The following ANKHD1 variants were observed in gnomAD, a reference collection of about 807,000 sequenced individuals.
ANKHD1 encodes the protein ankyrin repeat and KH domain-containing protein 1.
Under a neutral mutation model 230.5 loss-of-function variants are expected in ANKHD1, and 31 were observed. The observed-to-expected ratio is 0.13, with a 90% confidence interval of 0.10 to 0.18. The LOEUF (loss-of-function observed/expected upper bound fraction) is 0.18, where lower values mean the gene tolerates loss of function less well. Among genes scored for constraint, ANKHD1 ranks in the 10% least tolerant of loss-of-function variants. The pLI is 1.00. For synonymous variants in ANKHD1, 1,074 were observed against 1,117.6 expected, an observed-to-expected ratio of 0.96 and a Z score of 0.78; for missense variants, 2,256 against 3,071.3, an observed-to-expected ratio of 0.73 and a Z score of 6.27.
At position 140,529,081 on chromosome 5, in the gene ANKHD1, T is replaced by C; in HGVS notation, c.6135T>C (p.Ser2045=). ...DQPMANLCTP[S]STANSCSSSA... is the part of the protein sequence containing the mutation. ...CCATGGCAAACCTATGTACCCCATC[T>C]TCAACTGCAAACAGTTGCAGTAGCT... The change falls in exon 29 of 34, where the codon TCT becomes TCC. Residue 2045 remains serine (S), a synonymous_variant. Coordinates refer to ENST00000360839, the MANE Select transcript of ANKHD1 (RefSeq NM_017747.3). The C allele has an allele frequency of 6.2e-7, 1 of 1,614,036 alleles. No individual in the cohort carries two copies. The highest frequency in any genetic ancestry group is 8.5e-7 in the Non-Finnish European group (1 of 1,180,038).
intron 11 of ANKHD1, 200 bp from the exon 12 acceptor site, chr5:140,484,921 A>T: frequency 1.2e-6 from 1 of 813,086 alleles, no homozygotes; most frequent in Non-Finnish European, 1.7e-6. Flanking sequence ...TGGTATGTGG[A>T]TAATGTTCTG....
intron 6 of ANKHD1, among the ~76,000 whole-genome samples, chr5:140,447,084 T>C (rs921760290): frequency 6.6e-6 from 1 of 152,110 alleles, no homozygotes; most frequent in Non-Finnish European, 1.5e-5. Flanking sequence ...AATTTTTGTA[T>C]TTTTAGTAGA....
At chr5:140,535,574 T>C (rs751770969) in intron 30 of ANKHD1, 36 bp downstream of exon 30, 7 of 1,545,056 alleles carry the variant, frequency 4.5e-6, no homozygotes, top group Non-Finnish European at 6.1e-6. Flanking sequence ...CAAAGAGTTT[T>C]GAATAAGTTA....
intron 14 of ANKHD1, among the ~76,000 whole-genome samples, chr5:140,488,246 T>A (rs1015366292): frequency 6.6e-6 from 1 of 152,118 alleles, no homozygotes; most frequent in Non-Finnish European, 1.5e-5. Context: ...TGGCTAAACC[T>A]TATAGAGGAC....
chr5:140,424,629 A>G (rs1182542365), intron 1 of ANKHD1, among the ~76,000 whole-genome samples: 1 of 152,236 alleles, frequency 6.6e-6, no homozygotes, highest in Non-Finnish European at 1.5e-5. Context: ...TCCTTTACCT[A>G]AGAAATGGGA....
At chr5:140,499,376 A>C (rs2127041116) in intron 15 of ANKHD1, among the ~76,000 whole-genome samples, 1 of 152,242 alleles carries the variant, frequency 6.6e-6, no homozygotes, top group East Asian at 1.9e-4. Context: ...ATATATAATT[A>C]ATTTTACTTA....
intron 29 of ANKHD1, among the ~76,000 whole-genome samples, chr5:140,533,279 C>T (rs1581383392): frequency 6.6e-6 from 1 of 152,006 alleles, no homozygotes; most frequent in Non-Finnish European, 1.5e-5. Context: ...GGGACCCTGT[C>T]TTGATAAAAA....
chr5:140,454,669 A>T (rs1184940866), intron 7 of ANKHD1, among the ~76,000 whole-genome samples: 1 of 152,220 alleles, frequency 6.6e-6, no homozygotes, highest in East Asian at 1.9e-4. Context: ...ACCAACAAGA[A>T]CAAAGACACA....
At chr5:140,539,258 C>T in intron 33 of ANKHD1, 101 bp from the exon 34 acceptor site, 1 of 1,584,170 alleles carries the variant, frequency 6.3e-7, no homozygotes, top group South Asian at 1.2e-5. Flanking sequence ...GTGTATTCTT[C>T]CTAGGCAGAA....
intron 7 of ANKHD1, among the ~76,000 whole-genome samples, chr5:140,455,303 C>G (rs1156732964): frequency 6.6e-6 from 1 of 152,182 alleles, no homozygotes; most frequent in Non-Finnish European, 1.5e-5. Context: ...GAGTTGGTAC[C>G]ATCCCTTTTG....
chr5:140,514,771 G>A (rs1009529841), intron 24 of ANKHD1, among the ~76,000 whole-genome samples: 1 of 152,108 alleles, frequency 6.6e-6, no homozygotes, highest in Admixed American at 6.6e-5. Flanking sequence ...AGGAGTTCGA[G>A]ACCAGGCTGG....
chr5:140,420,236 C>T (rs532127834), intron 1 of ANKHD1, among the ~76,000 whole-genome samples: 321 of 151,752 alleles, frequency 2.1e-3, no homozygotes, highest in Non-Finnish European at 3.6e-3. Context: ...GCAGTCCTCC[C>T]GCCTTGGCCT....
intron 28 of ANKHD1, 21 bp from the exon 29 acceptor site, chr5:140,528,163 C>CTT: frequency 2.8e-6 from 4 of 1,417,862 alleles, no homozygotes; most frequent in East Asian, 2.6e-5. Flanking sequence ...GGTCTTGTTT[C>CTT]TGTTTTTTTT....
chr5:140,503,137 C>T (rs1347115724), intron 15 of ANKHD1, among the ~76,000 whole-genome samples: 1 of 152,150 alleles, frequency 6.6e-6, no homozygotes, highest in African/African-American at 2.4e-5. Context: ...TTTTCCAACA[C>T]TTAAAATGCT....
chr5:140,507,026 G>A lies in ANKHD1; in HGVS notation c.3551+49G>A. 6.3e-7 allele frequency: 1 copy of A among 1,596,092 alleles called. No homozygotes were observed. The highest frequency in any genetic ancestry group is 8.5e-7 in the Non-Finnish European group (1 of 1,173,382). On this transcript the variant is annotated intron_variant, in intron 19 of 33. Coordinates refer to ENST00000360839, the MANE Select transcript of ANKHD1 (RefSeq NM_017747.3). The surrounding 1 kb of genome is among the most constrained non-coding windows in gnomAD (Gnocchi z 4.1). ...TCATGTTTAGTAAGTTACTACTTTG[G>A]ACTTAAATGTCTACCTCTTAACGTT...
At chr5:140,466,588 A>G (rs1029468918) in intron 10 of ANKHD1, among the ~76,000 whole-genome samples, 1 of 152,192 alleles carries the variant, frequency 6.6e-6, no homozygotes, top group Non-Finnish European at 1.5e-5. Flanking sequence ...GAACTACATT[A>G]ATTGAACAGA....
At chr5:140,471,491 AGTT>A (rs1320708905) in intron 10 of ANKHD1, among the ~76,000 whole-genome samples, 4 of 152,168 alleles carry the variant, frequency 2.6e-5, no homozygotes, top group Admixed American at 6.5e-5. Flanking sequence ...AAAATCATGT[AGTT>A]GTCTCAGGAT....
At chr5:140,430,698 G>A (rs1446954338) in intron 1 of ANKHD1, among the ~76,000 whole-genome samples, 1 of 146,880 alleles carries the variant, frequency 6.8e-6, no homozygotes, top group Non-Finnish European at 1.5e-5. Flanking sequence ...GTCGCCCAGG[G>A]TCCAGGTTGA....
intron 10 of ANKHD1, among the ~76,000 whole-genome samples, chr5:140,479,146 C>T (rs1488696595): frequency 1.3e-5 from 2 of 151,700 alleles, no homozygotes; most frequent in African/African-American, 2.4e-5. Context: ...TACAGGCACC[C>T]GCCACCACGC....
Sources: allele counts gnomAD v4.1 joint callset (sites outside exome capture counted in the v4.1 genomes callset), GRCh38; gene constraint gnomAD v4.1.1; non-coding constraint Gnocchi (gnomAD v3.1); transcripts MANE v1.5; gene names NCBI Gene and HGNC (gene_info 2026-07-23, HGNC 2026-07-21).